UVRAG: variants seen among roughly 807,000 people sequenced by gnomAD.
UVRAG encodes the protein UV radiation resistance associated, also known as UV radiation resistance-associated gene protein.
Under a neutral mutation model 78.0 loss-of-function variants are expected in UVRAG, and 19 were observed. That is an observed-to-expected ratio of 0.24 (90% CI 0.17 to 0.36). The LOEUF is 0.36. Ranked by LOEUF, UVRAG falls within the 10% of genes least tolerant of loss-of-function variation. The pLI is 1.00. For synonymous variants in UVRAG, 323 were observed against 324.6 expected (o/e 1.00, Z 0.05); for missense variants, 740 against 853.8 (o/e 0.87, Z 1.66).
intron 2 of UVRAG, among the ~76,000 whole-genome samples, chr11:75,860,933 G>A (rs1253375925): frequency 6.6e-6 from 1 of 151,940 alleles, no homozygotes; most frequent in Non-Finnish European, 1.5e-5. Flanking sequence ...TTACAAGCAT[G>A]TGCCACCACA....
Position 76,141,827 on chromosome 11 carries a change from C to A in UVRAG, c.*414C>A, listed in dbSNP as rs758360887. The A allele has an allele frequency of 5.4e-6, 1 of 183,548 alleles. No homozygotes were observed. Among genetic ancestry groups the A allele is most frequent in the Non-Finnish European group, 1.2e-5 (1 of 86,936 alleles). 11.4% of individuals were successfully genotyped at this position (183,548 alleles called of 1,614,324 possible). A position where few individuals can be genotyped will look rare whatever the true frequency, so the allele number is the denominator to read the frequency against. ...CATGGTTTATAAAACTTTGGGAAAACGGAATATTCAGAAATAGGTTTCCGC... is the reference window on the plus strand; with the variant it reads ...CATGGTTTATAAAACTTTGGGAAAAAGGAATATTCAGAAATAGGTTTCCGC... On this transcript the variant is annotated 3_prime_UTR_variant, in exon 15 of 15. Coordinates refer to ENST00000356136, the MANE Select transcript of UVRAG (RefSeq NM_003369.4).
chr11:76,026,506 G>A, intron 12 of UVRAG, among the ~76,000 whole-genome samples: 1 of 152,098 alleles, frequency 6.6e-6, no homozygotes, highest in East Asian at 1.9e-4. Flanking sequence ...TTCCAGAAAT[G>A]GGGAATTTTC....
rs561342458 is a variant in UVRAG, at chr11:75,859,494, T to TAAAACAATA, written c.236-2250_236-2249insAACAATAAA. 5.0e-3 allele frequency among the ~76,000 whole-genome samples: 759 copies of TAAAACAATA among 152,180 alleles called. 7 individuals are homozygous for TAAAACAATA. The highest frequency in any genetic ancestry group is 0.017 in the African/African-American group (715 of 41,558). ...TTTTAAATAATTTTAGGTTTTGTTT[T>TAAAACAATA]AAGCAATAAAACTTAAACAATAACA... On this transcript the variant is annotated intron_variant, in intron 2 of 14. Coordinates refer to ENST00000356136, the MANE Select transcript of UVRAG (RefSeq NM_003369.4).
At chr11:75,965,560 C>T (rs981013347) in intron 7 of UVRAG, among the ~76,000 whole-genome samples, 1 of 152,182 alleles carries the variant, frequency 6.6e-6, no homozygotes, top group African/African-American at 2.4e-5. Context: ...CGTGGTCTGC[C>T]CGCCTTGGCC....
At chr11:75,932,053 C>T (rs1261530811) in intron 6 of UVRAG, among the ~76,000 whole-genome samples, 1 of 152,008 alleles carries the variant, frequency 6.6e-6, no homozygotes, top group African/African-American at 2.4e-5. Flanking sequence ...ACCACAAAGA[C>T]CTGACTTTTT....
intron 14 of UVRAG, among the ~76,000 whole-genome samples, chr11:76,129,213 T>A (rs985201589): frequency 3.3e-5 from 5 of 152,232 alleles, no homozygotes; most frequent in African/African-American, 1.2e-4. Context: ...GTTTTAGAAG[T>A]CCTGCTTTAA....
At chr11:76,111,729 C>T (rs1193051253) in intron 13 of UVRAG, among the ~76,000 whole-genome samples, 5 of 152,058 alleles carry the variant, frequency 3.3e-5, no homozygotes, top group South Asian at 2.1e-4. Flanking sequence ...AACCTTTCCC[C>T]GTGGGAAGGC....
intron 2 of UVRAG, among the ~76,000 whole-genome samples, chr11:75,854,279 G>A (rs1050692150): frequency 6.6e-5 from 10 of 152,106 alleles, no homozygotes; most frequent in African/African-American, 2.4e-4. Context: ...GGCTGCTGGT[G>A]TCCTCAATAC....
chr11:75,884,896 A>C (rs1286760181), intron 4 of UVRAG, among the ~76,000 whole-genome samples: 1 of 152,080 alleles, frequency 6.6e-6, no homozygotes, highest in Admixed American at 6.5e-5. Flanking sequence ...TATACACTTT[A>C]GAACAGTTTG....
intron 12 of UVRAG, among the ~76,000 whole-genome samples, chr11:76,041,664 A>C (rs752269825): frequency 1.3e-5 from 2 of 152,136 alleles, no homozygotes; most frequent in Non-Finnish European, 2.9e-5. Context: ...ATCTTACCCA[A>C]ATTTATCTTT....
At chr11:75,882,529 T>G (rs12295877) in intron 4 of UVRAG, among the ~76,000 whole-genome samples, 17 of 151,846 alleles carry the variant, frequency 1.1e-4, no homozygotes, top group African/African-American at 4.1e-4. Flanking sequence ...AAAAAAAAAT[T>G]TTTTTTGAAA....
At chr11:76,138,341 C>T (rs1367147643) in intron 14 of UVRAG, among the ~76,000 whole-genome samples, 1 of 152,196 alleles carries the variant, frequency 6.6e-6, no homozygotes. Context: ...CCTCACAGGA[C>T]ACTCGAGGGC....
intron 8 of UVRAG, among the ~76,000 whole-genome samples, chr11:75,996,732 T>G (rs1949714801): frequency 6.6e-6 from 1 of 152,140 alleles, no homozygotes; most frequent in Admixed American, 6.5e-5. Context: ...GAACATGAAG[T>G]TCAGAGAAGT....
At chr11:76,016,068 G>A (rs944071952) in intron 11 of UVRAG, among the ~76,000 whole-genome samples, 4 of 152,196 alleles carry the variant, frequency 2.6e-5, no homozygotes, top group Non-Finnish European at 5.9e-5. Context: ...TTGATAGATA[G>A]TGGCAGAAAT....
At chr11:76,126,760 C>CT (rs1481829588) in intron 14 of UVRAG, among the ~76,000 whole-genome samples, 13 of 152,118 alleles carry the variant, frequency 8.5e-5, no homozygotes, top group Admixed American at 8.5e-4. Context: ...TCTGTGTGCT[C>CT]TGTACTAAGT....
At chr11:76,137,802 G>T (rs926223879) in intron 14 of UVRAG, 1 of 269,898 alleles carries the variant, frequency 3.7e-6, no homozygotes, top group Non-Finnish European at 7.3e-6. Context: ...CAGCTACTTG[G>T]GAGACTGAGG....
At chr11:75,997,617 G>C (rs1338003065) in intron 8 of UVRAG, among the ~76,000 whole-genome samples, 1 of 152,176 alleles carries the variant, frequency 6.6e-6, no homozygotes, top group African/African-American at 2.4e-5. Flanking sequence ...GGTAATGGTA[G>C]AAACAAAAGA....
chr11:76,035,071 G>C (rs927647957), intron 12 of UVRAG, among the ~76,000 whole-genome samples: 2 of 152,180 alleles, frequency 1.3e-5, no homozygotes, highest in African/African-American at 4.8e-5. Context: ...TGTAGATGAC[G>C]AATTTATTGA....
At chr11:75,933,944 G>T (rs1948302267) in intron 6 of UVRAG, among the ~76,000 whole-genome samples, 1 of 152,242 alleles carries the variant, frequency 6.6e-6, no homozygotes, top group Non-Finnish European at 1.5e-5. Flanking sequence ...TAGTTTGGAG[G>T]TTCCTCAAAA....
Sources: gnomAD v4.1 joint callset for allele counts (sites outside exome capture counted in the v4.1 genomes callset) on GRCh38, gnomAD v4.1.1 for gene constraint, MANE v1.5 for transcripts, NCBI Gene and HGNC (gene_info 2026-07-23, HGNC 2026-07-21) for gene names.